Variants in PLCB4 observed in about 807,000 individuals in gnomAD.
The protein encoded by PLCB4 is phospholipase C beta 4, also known as 1-phosphatidylinositol 4,5-bisphosphate phosphodiesterase beta-4.
A neutral mutation model predicts 178.8 loss-of-function variants in PLCB4; 77 were observed. That is an observed-to-expected ratio of 0.43 (90% CI 0.36 to 0.52). The LOEUF (loss-of-function observed/expected upper bound fraction) is 0.52, where lower values mean the gene tolerates loss of function less well. Ranked by LOEUF, PLCB4 falls within the 20% of genes least tolerant of loss-of-function variation. PLCB4 has a pLI of 0.00. For synonymous variants in PLCB4, 496 were observed against 490.8 expected, an observed-to-expected ratio of 1.01 and a Z score of -0.14; for missense variants, 1,024 against 1,453.4, an observed-to-expected ratio of 0.70 and a Z score of 4.80.
intron 9 of PLCB4, among the ~76,000 whole-genome samples, chr20:9,366,998 A>G (rs1236391857): frequency 6.6e-6 from 1 of 152,238 alleles, no homozygotes; most frequent in Non-Finnish European, 1.5e-5. Flanking sequence ...GAGCAGTGGC[A>G]TGTGCTGTGG....
chr20:9,155,321 G>A (rs2092769888), intron 2 of PLCB4, among the ~76,000 whole-genome samples: 1 of 152,032 alleles, frequency 6.6e-6, no homozygotes, highest in African/African-American at 2.4e-5. Flanking sequence ...TGGTGTATAT[G>A]TACCACATTT....
At chr20:9,380,934 C>G (rs1471762975) in intron 13 of PLCB4, among the ~76,000 whole-genome samples, 1 of 152,048 alleles carries the variant, frequency 6.6e-6, no homozygotes, top group East Asian at 1.9e-4. Flanking sequence ...TTTTTAAAAT[C>G]TATTTTTTTC....
intron 7 of PLCB4, among the ~76,000 whole-genome samples, chr20:9,349,050 T>C (rs573102438): frequency 1.4e-5 from 2 of 144,870 alleles, no homozygotes; most frequent in East Asian, 4.0e-4. Flanking sequence ...AAGTACAGGA[T>C]AGTAAAAAAA....
chr20:9,414,747 G>A (rs1376866387), intron 25 of PLCB4, among the ~76,000 whole-genome samples: 3 of 152,202 alleles, frequency 2.0e-5, no homozygotes. Context: ...GCTTTTAACA[G>A]TCTCGTTTTT....
intron 3 of PLCB4, among the ~76,000 whole-genome samples, chr20:9,281,803 A>G (rs1008172232): frequency 2.6e-5 from 4 of 151,980 alleles, no homozygotes; most frequent in Non-Finnish European, 2.9e-5. Flanking sequence ...AAAAATTGGC[A>G]TTGAAGAATT....
In PLCB4 at chr20:9,373,073, C is replaced by G; in HGVS notation, c.713C>G (p.Thr238Arg). The G allele has an allele frequency of 6.5e-7, 1 of 1,540,308 alleles. No homozygotes were observed. Residue 238 changes from threonine (T) to arginine (R), a missense_variant, in exon 12 of 40, where the codon ACG becomes AGG. By Grantham distance (71) the Thr-to-Arg change is moderately conservative (BLOSUM62 -1). This residue lies in a region of PLCB4 where 225 missense variants were observed against 291.0 expected (regional missense o/e 0.77). Coordinates refer to ENST00000378473, the MANE Select transcript of PLCB4 (RefSeq NM_001377142.1). The stretch of plus-strand genomic sequence containing the variant: ...AATGGAGACAAAACTGATTATTTAA[C>G]GGTAGACCAATTAGTGAGCTTTCTA... ...KINGDKTDYL[T>R]VDQLVSFLNE...
chr20:9,405,348 G>T lies in PLCB4; in HGVS notation c.1647G>T (p.Lys549Asn). The T allele has an allele frequency of 6.6e-7, 1 of 1,524,110 alleles. No homozygotes were observed. Among genetic ancestry groups the T allele is most frequent in the East Asian group, 2.3e-5 (1 of 42,936 alleles). The allele number at this position is 1,524,110 out of a possible 1,614,324, so 94.4% of individuals were successfully genotyped here. The change falls in exon 21 of 40, where the codon AAG becomes AAT. Residue 549 changes from lysine to asparagine, a missense_variant and splice_region_variant. By Grantham distance (94) the Lys-to-Asn change is moderately conservative. Coordinates refer to ENST00000378473, the MANE Select transcript of PLCB4 (RefSeq NM_001377142.1). ...ACCTTGAACATGAAAACAACAAAAA[G>T]GTAACAAAATAATTCCCTTGCACAT... ...SDDLEHENNK[K>N]GLVTVEDEQA...
chr20:9,317,343 T>C (rs2094910129), intron 4 of PLCB4, among the ~76,000 whole-genome samples: 1 of 152,220 alleles, frequency 6.6e-6, no homozygotes, highest in South Asian at 2.1e-4. Context: ...GCTGCATACA[T>C]AACAGACTGC....
chr20:9,403,810 T>C (rs1342975085), intron 20 of PLCB4, among the ~76,000 whole-genome samples: 2 of 152,164 alleles, frequency 1.3e-5, no homozygotes, highest in African/African-American at 4.8e-5. Context: ...ACCTTTAGAA[T>C]AGGTAAAGAG....
intron 30 of PLCB4, among the ~76,000 whole-genome samples, chr20:9,441,910 CT>C (rs11476975): frequency 0.52 from 76,982 of 148,538 alleles, 20,317 homozygotes; most frequent in Middle Eastern, 0.72. Flanking sequence ...ACCAACACGA[CT>C]TTTTTTTTTT....
At chr20:9,321,317 C>T (rs764328786) in intron 4 of PLCB4, among the ~76,000 whole-genome samples, 2 of 152,146 alleles carry the variant, frequency 1.3e-5, no homozygotes, top group Non-Finnish European at 2.9e-5. Context: ...CTAAAGAGAA[C>T]ATACACAGGT....
At chr20:9,258,518 C>G (rs948317667) in intron 3 of PLCB4, among the ~76,000 whole-genome samples, 3 of 151,786 alleles carry the variant, frequency 2.0e-5, no homozygotes, top group African/African-American at 7.3e-5. Context: ...AGTTCAAGAC[C>G]ATCCTGGCCA....
At chr20:9,406,581 C>T (rs563585611) in intron 21 of PLCB4, among the ~76,000 whole-genome samples, 12 of 151,912 alleles carry the variant, frequency 7.9e-5, no homozygotes, top group Non-Finnish European at 1.3e-4. Context: ...CTCTGCCCCC[C>T]GGGTTCACTT....
chr20:9,261,876 T>TG (rs2094300735), intron 3 of PLCB4, among the ~76,000 whole-genome samples: 1 of 152,190 alleles, frequency 6.6e-6, no homozygotes, highest in Admixed American at 6.5e-5. Context: ...GACATGGAGC[T>TG]ATATACCCTT....
At chr20:9,399,097 T>G (rs768360040) in intron 19 of PLCB4, among the ~76,000 whole-genome samples, 1 of 152,354 alleles carries the variant, frequency 6.6e-6, no homozygotes, top group South Asian at 2.1e-4. Context: ...TATGGCTTCA[T>G]GTATTATTCT....
At chr20:9,286,399 T>C (rs995326599) in intron 3 of PLCB4, among the ~76,000 whole-genome samples, 4 of 152,004 alleles carry the variant, frequency 2.6e-5, no homozygotes, top group Non-Finnish European at 5.9e-5. Context: ...GAGACAGATT[T>C]AGGTTTGGAA....
At chr20:9,224,971 G>A (rs1369333179) in intron 3 of PLCB4, among the ~76,000 whole-genome samples, 1 of 152,104 alleles carries the variant, frequency 6.6e-6, no homozygotes, top group Non-Finnish European at 1.5e-5. Context: ...CTTTTGTGAA[G>A]TCATACTTTC....
chr20:9,369,747 G>A (rs911431394), intron 9 of PLCB4, among the ~76,000 whole-genome samples: 7 of 152,192 alleles, frequency 4.6e-5, no homozygotes, highest in African/African-American at 1.7e-4. Context: ...CACTGAAGTG[G>A]TGCTTTCTCC....
chr20:9,082,322 C>G (rs1701346298), intron 1 of PLCB4, among the ~76,000 whole-genome samples: 4 of 152,162 alleles, frequency 2.6e-5, no homozygotes, highest in Admixed American at 2.6e-4. Flanking sequence ...AAATATTCTG[C>G]TGAATACAAT....
Sources: allele counts gnomAD v4.1 joint callset (sites outside exome capture counted in the v4.1 genomes callset), GRCh38; gene constraint gnomAD v4.1.1; regional missense constraint gnomAD v4.1.1; transcripts MANE v1.5; gene names NCBI Gene and HGNC (gene_info 2026-07-23, HGNC 2026-07-21).